GPR39: variants seen among roughly 807,000 people sequenced by gnomAD.
GPR39 encodes zinc sensing receptor.
GPR39 carries 23 observed loss-of-function variants against 18.4 expected under a neutral mutation model. The ratio of observed to expected loss-of-function variants is 1.25; its 90% CI spans 0.90 to 1.77. The LOEUF (loss-of-function observed/expected upper bound fraction) is 1.77, where lower values mean the gene tolerates loss of function less well. Among genes scored for constraint, GPR39 ranks in the 40% most tolerant of loss-of-function variants. GPR39 has a pLI of 0.00. For synonymous variants in GPR39, 280 were observed against 257.9 expected (o/e 1.09, Z -0.82); for missense variants, 647 against 602.4 (o/e 1.07, Z -0.78).
chr2:132,511,741 TATTG>T (rs1679244763), intron 1 of GPR39, among the ~76,000 whole-genome samples: 2 of 152,202 alleles, frequency 1.3e-5, no homozygotes, highest in African/African-American at 4.8e-5. Context: ...TGCCAGGCAT[TATTG>T]ATTAAGCATT....
chr2:132,530,959 A>C (rs1396225058), intron 1 of GPR39, among the ~76,000 whole-genome samples: 5 of 152,226 alleles, frequency 3.3e-5, no homozygotes, highest in South Asian at 2.1e-4. Flanking sequence ...CGAGCAAAAT[A>C]ACCAGCTAAC....
chr2:132,541,692 T>TTG (rs1332354331), intron 1 of GPR39, among the ~76,000 whole-genome samples: 1 of 152,178 alleles, frequency 6.6e-6, no homozygotes, highest in African/African-American at 2.4e-5. Flanking sequence ...TTCTGCCTCA[T>TTG]TGATTGCCAC....
At chr2:132,428,089 C>T (rs1680161467) in intron 1 of GPR39, among the ~76,000 whole-genome samples, 1 of 151,554 alleles carries the variant, frequency 6.6e-6, no homozygotes, top group African/African-American at 2.4e-5. Flanking sequence ...TGTAGATATC[C>T]TCTAGAGAAG....
chr2:132,526,868 A>G (rs539177150), intron 1 of GPR39, among the ~76,000 whole-genome samples: 1 of 152,346 alleles, frequency 6.6e-6, no homozygotes, highest in East Asian at 1.9e-4. Context: ...AAGGTGACTA[A>G]CAGAGGGTGT....
intron 1 of GPR39, among the ~76,000 whole-genome samples, chr2:132,419,866 G>A (rs2104751842): frequency 6.6e-6 from 1 of 152,294 alleles, no homozygotes; most frequent in South Asian, 2.1e-4. Context: ...TGACCAAAGG[G>A]AAAATCATTG....
intron 1 of GPR39, among the ~76,000 whole-genome samples, chr2:132,421,737 G>A (rs1317615888): frequency 6.6e-6 from 1 of 152,156 alleles, no homozygotes; most frequent in South Asian, 2.1e-4. Context: ...ATGGTTCAGG[G>A]AGAAGCAAAG....
intron 1 of GPR39, among the ~76,000 whole-genome samples, chr2:132,526,071 T>G (rs1679502464): frequency 6.6e-6 from 1 of 152,154 alleles, no homozygotes; most frequent in Admixed American, 6.5e-5. Context: ...TTACTATAAC[T>G]TACTTGGTGG....
At chr2:132,440,964 G>T (rs1034406935) in intron 1 of GPR39, among the ~76,000 whole-genome samples, 16 of 152,182 alleles carry the variant, frequency 1.1e-4, no homozygotes, top group African/African-American at 3.4e-4. Flanking sequence ...TGAAGGACAC[G>T]CTCTTCTCTG....
intron 1 of GPR39, among the ~76,000 whole-genome samples, chr2:132,541,997 G>A (rs1432831920): frequency 2.6e-5 from 4 of 152,142 alleles, no homozygotes. Flanking sequence ...GGTGGAGGGG[G>A]CAAGGTAGCT....
Position 132,646,569 on chromosome 2 carries a change from T to TAAG in GPR39, c.*964_*966dup, listed in dbSNP as rs1553462624. The TAAG allele has an allele frequency of 3.3e-6, 1 of 303,390 alleles. No individual in the cohort carries two copies. Among genetic ancestry groups the TAAG allele is most frequent in the African/African-American group, 2.1e-5 (1 of 46,746 alleles). The allele number at this position is 303,390 out of a possible 1,614,324, so 18.8% of individuals were successfully genotyped here. On this transcript the variant is annotated 3_prime_UTR_variant, in exon 2 of 2. Coordinates refer to ENST00000329321, the MANE Select transcript of GPR39 (RefSeq NM_001508.3). ...CTGTTAAATAGACTTATTTACATTT[T>TAAG]AAGTCAGAGTTCACACTGTGTACAA... is the stretch of plus-strand genomic sequence containing the variant.
rs556898963 is a variant in GPR39 at position 132,599,035 on chromosome 2, C to T, written c.857-46066C>T. Among the ~76,000 whole-genome samples, 18 of 151,942 alleles carry T rather than the reference C, an allele frequency of 1.2e-4. No individual in the cohort carries two copies. In the East Asian group the frequency reaches 1.7e-3, roughly 15 times the overall value. ...AGGAGGCAGGAAGGGGGTGGAGGTGCGGTGGTGGTGATCTCCAAACTGTTT... is the reference window on the plus strand; with the variant it reads ...AGGAGGCAGGAAGGGGGTGGAGGTGTGGTGGTGGTGATCTCCAAACTGTTT... On this transcript the variant is annotated intron_variant, in intron 1 of 1. Transcript: ENST00000329321.
chr2:132,583,730 G>A (rs1680671951), intron 1 of GPR39, among the ~76,000 whole-genome samples: 2 of 151,294 alleles, frequency 1.3e-5, no homozygotes, highest in Admixed American at 1.3e-4. Flanking sequence ...GGCTGGAGGC[G>A]ACTTGGCCTC....
chr2:132,542,998 G>A (rs1679887626), intron 1 of GPR39, among the ~76,000 whole-genome samples: 1 of 152,144 alleles, frequency 6.6e-6, no homozygotes, highest in South Asian at 2.1e-4. Context: ...CCCAGGGCTG[G>A]AACCCAGTAT....
At chr2:132,592,174 C>T (rs949140039) in intron 1 of GPR39, among the ~76,000 whole-genome samples, 3 of 152,094 alleles carry the variant, frequency 2.0e-5, no homozygotes, top group Non-Finnish European at 2.9e-5. Flanking sequence ...AGAAAATAAA[C>T]AAGTGCCACG....
At chr2:132,523,311 T>A (rs547673184) in intron 1 of GPR39, among the ~76,000 whole-genome samples, 1 of 152,240 alleles carries the variant, frequency 6.6e-6, no homozygotes, top group Non-Finnish European at 1.5e-5. Flanking sequence ...CCCTAAAATA[T>A]AAGTGGGACT....
At chr2:132,471,646 C>A (rs906677458) in intron 1 of GPR39, among the ~76,000 whole-genome samples, 11 of 148,948 alleles carry the variant, frequency 7.4e-5, no homozygotes, top group Non-Finnish European at 1.5e-4. Flanking sequence ...CCCAGCCCAG[C>A]AAGGAGTTTT....
intron 1 of GPR39, among the ~76,000 whole-genome samples, chr2:132,576,686 G>C (rs1680532453): frequency 6.6e-6 from 1 of 152,008 alleles, no homozygotes; most frequent in Admixed American, 6.5e-5. Flanking sequence ...ACTAAGCCTA[G>C]CCCTCAGTCC....
intron 1 of GPR39, among the ~76,000 whole-genome samples, chr2:132,560,899 T>G (rs1416830260): frequency 2.0e-5 from 3 of 149,592 alleles, no homozygotes; most frequent in Non-Finnish European, 4.4e-5. Context: ...TGTTTTTTTT[T>G]GTTTTGTTTT....
intron 1 of GPR39, among the ~76,000 whole-genome samples, chr2:132,585,184 C>A (rs1179501929): frequency 1.3e-5 from 2 of 152,156 alleles, no homozygotes; most frequent in Non-Finnish European, 2.9e-5. Flanking sequence ...CCCTACTGCA[C>A]CCGCCCCTTT....
Sources: allele counts gnomAD v4.1 joint callset (sites outside exome capture counted in the v4.1 genomes callset), GRCh38; gene constraint gnomAD v4.1.1; transcripts MANE v1.5; gene names NCBI Gene and HGNC (gene_info 2026-07-23, HGNC 2026-07-21).